The following DCAF6 variants were observed in gnomAD, a reference collection of about 807,000 sequenced individuals.
The protein encoded by DCAF6 is DDB1- and CUL4-associated factor 6.
In DCAF6, 54 loss-of-function variants were observed where a neutral mutation model predicts 125.1. The ratio of observed to expected loss-of-function variants is 0.43; its 90% CI spans 0.35 to 0.54. The LOEUF (loss-of-function observed/expected upper bound fraction) is 0.54. Ranked by LOEUF, DCAF6 falls within the 20% of genes least tolerant of loss-of-function variation. The probability of loss-of-function intolerance (pLI) is 0.01; values close to 1 mark genes in which losing one functional copy is unlikely to be tolerated. For missense variants in DCAF6, 934 were observed against 1,161.7 expected (o/e 0.80, Z 2.85); for synonymous variants, 371 against 390.4 (o/e 0.95, Z 0.58).
chr1:167,873,989 A>G, the DCAF6 span, among the ~76,000 whole-genome samples: 7 of 152,236 alleles, frequency 4.6e-5, no homozygotes, highest in African/African-American at 1.7e-4. Flanking sequence ...AAAGATAATC[A>G]AAATATAACC....
At chr1:168,003,734 A>G (rs1682953380) in intron 8 of DCAF6, 136 bp from the exon 9 acceptor site, 1 of 715,298 alleles carries the variant, frequency 1.4e-6, no homozygotes, top group African/African-American at 1.8e-5. Context: ...ATTTATATAC[A>G]TTCATACAAT....
the DCAF6 span, among the ~76,000 whole-genome samples, chr1:167,876,809 T>C: frequency 6.6e-6 from 1 of 152,314 alleles, no homozygotes; most frequent in East Asian, 1.9e-4. Flanking sequence ...CTTTTGTCAA[T>C]GGACTATCTG....
chr1:168,027,763 CTG>C (rs1557997563), intron 12 of DCAF6, among the ~76,000 whole-genome samples: 2 of 151,980 alleles, frequency 1.3e-5, no homozygotes, highest in Non-Finnish European at 2.9e-5. Flanking sequence ...CTTTGAATAA[CTG>C]TATACACAGT....
intron 1 of DCAF6, among the ~76,000 whole-genome samples, chr1:167,946,097 C>T (rs549613829): frequency 5.9e-5 from 9 of 151,756 alleles, no homozygotes; most frequent in Non-Finnish European, 1.2e-4. Flanking sequence ...GCTGGGATTA[C>T]AGGCATGTGC....
At chr1:167,962,619 A>G (rs1675787009) in intron 2 of DCAF6, among the ~76,000 whole-genome samples, 1 of 152,148 alleles carries the variant, frequency 6.6e-6, no homozygotes, top group Non-Finnish European at 1.5e-5. Context: ...TGTAAACAAC[A>G]TATATTTGGA....
the DCAF6 span, chr1:167,870,389 T>A: frequency 6.2e-7 from 1 of 1,609,488 alleles, no homozygotes; most frequent in Non-Finnish European, 8.5e-7. Context: ...ATACATGAAG[T>A]AGTTGATCTC....
At chr1:168,009,918 TC>T (rs1030741559) in intron 10 of DCAF6, among the ~76,000 whole-genome samples, 5 of 152,214 alleles carry the variant, frequency 3.3e-5, no homozygotes, top group Non-Finnish European at 7.3e-5. Flanking sequence ...GCATCTTTTT[TC>T]CCCAACAATA....
At chr1:167,928,367 A>G in the DCAF6 span, among the ~76,000 whole-genome samples, 3 of 152,204 alleles carry the variant, frequency 2.0e-5, no homozygotes, top group Non-Finnish European at 4.4e-5. Flanking sequence ...ATTTTAAAGA[A>G]AACTTAACCC....
intron 1 of DCAF6, among the ~76,000 whole-genome samples, chr1:167,937,714 A>G (rs1671532798): frequency 6.6e-6 from 1 of 152,100 alleles, no homozygotes; most frequent in Non-Finnish European, 1.5e-5. Context: ...TACTTGGGGG[A>G]ACAGTATTCC....
chr1:167,903,873 A>G, the DCAF6 span: 12 of 1,577,424 alleles, frequency 7.6e-6, no homozygotes, highest in South Asian at 8.9e-5. Context: ...CCAGAAACCT[A>G]TGGGAACACT....
At chr1:167,901,051 G>A in the DCAF6 span, among the ~76,000 whole-genome samples, 2 of 152,244 alleles carry the variant, frequency 1.3e-5, no homozygotes, top group East Asian at 1.9e-4. Context: ...TCTATGAAAT[G>A]GATACAATGA....
At chr1:168,071,619 T>C (rs1256849282) in intron 21 of DCAF6, among the ~76,000 whole-genome samples, 1 of 151,896 alleles carries the variant, frequency 6.6e-6, no homozygotes, top group Non-Finnish European at 1.5e-5. Context: ...GGGTGACAGA[T>C]TGAGACTCTG....
chr1:168,007,960 ATC>A (rs1311409245), intron 10 of DCAF6, among the ~76,000 whole-genome samples: 1 of 76,908 alleles, frequency 1.3e-5, no homozygotes, highest in Non-Finnish European at 2.6e-5. Flanking sequence ...ATTGTTGTAC[ATC>A]TTTTTTTTTT....
At chr1:168,037,102 C>T (rs112837846) in intron 12 of DCAF6, among the ~76,000 whole-genome samples, 4,655 of 148,430 alleles carry the variant, frequency 0.031, 184 homozygotes, top group African/African-American at 0.094. Flanking sequence ...ATTCTCCCCC[C>T]CCTTTTTTTT....
At chr1:167,938,786 A>G (rs1393471272) in intron 1 of DCAF6, among the ~76,000 whole-genome samples, 2 of 152,206 alleles carry the variant, frequency 1.3e-5, no homozygotes, top group Admixed American at 6.5e-5. Context: ...TACTTCAGCT[A>G]TATCTACAAA....
chr1:168,071,783 T>G (rs562304996), intron 21 of DCAF6, among the ~76,000 whole-genome samples: 2 of 152,360 alleles, frequency 1.3e-5, no homozygotes, highest in Admixed American at 6.5e-5. Context: ...CTTCTTACTC[T>G]GGCCTTCAAG....
the DCAF6 span, chr1:167,893,984 TG>T: frequency 6.9e-7 from 1 of 1,454,484 alleles, no homozygotes. Flanking sequence ...GAGGGAAGTT[TG>T]GCTCTGCAGT....
intron 16 of DCAF6, among the ~76,000 whole-genome samples, chr1:168,049,980 A>G (rs1361946099): frequency 8.7e-5 from 13 of 148,842 alleles, no homozygotes; most frequent in African/African-American, 2.5e-4. Context: ...TTTTTTTACA[A>G]TGCCAAATCT....
chr1:167,983,889 A>C (rs1679558492), intron 4 of DCAF6, among the ~76,000 whole-genome samples: 1 of 152,196 alleles, frequency 6.6e-6, no homozygotes, highest in Non-Finnish European at 1.5e-5. Flanking sequence ...CTTAAAAGGC[A>C]GCTTTTCCAG....
Sources: allele counts gnomAD v4.1 joint callset (sites outside exome capture counted in the v4.1 genomes callset), GRCh38; gene constraint gnomAD v4.1.1; transcripts MANE v1.5; gene names NCBI Gene and HGNC (gene_info 2026-07-23, HGNC 2026-07-21).